The following DSCAM variants were observed in gnomAD, a reference collection of about 807,000 sequenced individuals.
DSCAM encodes the protein cell adhesion molecule DSCAM.
A neutral mutation model predicts 217.7 loss-of-function variants in DSCAM; 47 were observed. The observed-to-expected ratio is 0.22, with a 90% CI of 0.17 to 0.28. DSCAM has a LOEUF of 0.28. Ranked by LOEUF, DSCAM falls within the 10% of genes least tolerant of loss-of-function variation. The probability of loss-of-function intolerance (pLI) is 1.00; values close to 1 mark genes in which losing one functional copy is unlikely to be tolerated. For synonymous variants in DSCAM, 1,056 were observed against 1,015.3 expected (o/e 1.04, Z -0.76); for missense variants, 2,080 against 2,618.3 (o/e 0.79, Z 4.49).
At chr21:40,200,267 C>G (rs1013415485) in intron 11 of DSCAM, among the ~76,000 whole-genome samples, 1 of 152,142 alleles carries the variant, frequency 6.6e-6, no homozygotes, top group African/African-American at 2.4e-5. Flanking sequence ...TCTTCCCAAC[C>G]TGAAACTTGG....
chr21:40,588,983 T>C (rs139342071), intron 3 of DSCAM, among the ~76,000 whole-genome samples: 1 of 152,228 alleles, frequency 6.6e-6, no homozygotes, highest in Non-Finnish European at 1.5e-5. Context: ...GAACTCAAAC[T>C]GTATGTGTAT....
At chr21:40,840,279 T>G (rs140816062) in intron 1 of DSCAM, among the ~76,000 whole-genome samples, 1 of 152,304 alleles carries the variant, frequency 6.6e-6, no homozygotes, top group Admixed American at 6.5e-5. Flanking sequence ...AACAGTAGTA[T>G]GACTTTTTAA....
intron 19 of DSCAM, among the ~76,000 whole-genome samples, chr21:40,126,302 A>C (rs1223759476): frequency 1.3e-5 from 2 of 152,022 alleles, no homozygotes; most frequent in African/African-American, 4.8e-5. Context: ...GGAAGGAAGA[A>C]GGGAAGACAA....
intron 11 of DSCAM, among the ~76,000 whole-genome samples, chr21:40,231,935 C>T (rs929934742): frequency 2.6e-5 from 4 of 152,192 alleles, no homozygotes; most frequent in Non-Finnish European, 5.9e-5. Flanking sequence ...TATATTTGAG[C>T]AGCACAATGA....
intron 10 of DSCAM, among the ~76,000 whole-genome samples, chr21:40,277,214 A>G (rs2073698845): frequency 6.6e-6 from 1 of 152,116 alleles, no homozygotes; most frequent in Non-Finnish European, 1.5e-5. Context: ...GAGGAAGCTC[A>G]ACGTTTGGGC....
At chr21:40,798,488 C>A (rs1177728324) in intron 1 of DSCAM, among the ~76,000 whole-genome samples, 1 of 151,928 alleles carries the variant, frequency 6.6e-6, no homozygotes, top group Admixed American at 6.6e-5. Context: ...TAAAAGCTTG[C>A]AAACCTATTT....
intron 16 of DSCAM, among the ~76,000 whole-genome samples, chr21:40,149,956 T>C (rs1234588954): frequency 6.6e-6 from 1 of 152,042 alleles, no homozygotes; most frequent in Non-Finnish European, 1.5e-5. Flanking sequence ...CCATCCATCA[T>C]TCCATTACTA....
chr21:40,071,972 C>A (rs1260613879), intron 27 of DSCAM, among the ~76,000 whole-genome samples: 2 of 152,184 alleles, frequency 1.3e-5, no homozygotes, highest in Non-Finnish European at 2.9e-5. Context: ...AATGCCTGAC[C>A]TTTCATCGAT....
At chr21:40,438,578 A>C (rs139235140) in intron 3 of DSCAM, among the ~76,000 whole-genome samples, 1 of 152,352 alleles carries the variant, frequency 6.6e-6, no homozygotes, top group East Asian at 1.9e-4. Flanking sequence ...AGGTCTCATC[A>C]ACATTTAGTT....
chr21:40,485,244 T>G (rs1048470223), intron 3 of DSCAM, among the ~76,000 whole-genome samples: 4 of 146,768 alleles, frequency 2.7e-5, no homozygotes, highest in Admixed American at 2.7e-4. Flanking sequence ...TTTCTTTTTT[T>G]TTTTTTTTTT....
At chr21:40,779,857 G>C (rs2091524452) in intron 1 of DSCAM, among the ~76,000 whole-genome samples, 1 of 152,170 alleles carries the variant, frequency 6.6e-6, no homozygotes, top group Non-Finnish European at 1.5e-5. Context: ...GGCTGGGTGG[G>C]GTAAGGAAGG....
In DSCAM at chr21:40,142,543, G is replaced by GTTTA. The variant is rs2090304639; in HGVS notation, c.3406+11_3406+14dup. Reference sequence around the variant, plus strand: ...CTCTGGAGGCAAACCCAAAGTCCTAGTTTAGTCCTCTTACCTCCGTCCATG... The same window carrying GTTTA: ...CTCTGGAGGCAAACCCAAAGTCCTAGTTTATTTAGTCCTCTTACCTCCGTCCATG... On this transcript the variant is annotated intron_variant, in intron 18 of 32. Coordinates refer to ENST00000400454, the MANE Select transcript of DSCAM (RefSeq NM_001389.5). 6.2e-7 allele frequency: 1 copy of GTTTA among 1,613,704 alleles called. No individual in the cohort carries two copies. The highest frequency in any genetic ancestry group is 1.1e-5 in the South Asian group (1 of 91,036).
At chr21:40,828,229 C>T (rs2091985306) in intron 1 of DSCAM, among the ~76,000 whole-genome samples, 1 of 152,024 alleles carries the variant, frequency 6.6e-6, no homozygotes. Flanking sequence ...ATAGTGAGAC[C>T]CTGTTTCTAT....
At chr21:40,295,099 T>C (rs1300988691) in intron 10 of DSCAM, among the ~76,000 whole-genome samples, 1 of 151,860 alleles carries the variant, frequency 6.6e-6, no homozygotes, top group African/African-American at 2.4e-5. Flanking sequence ...AAAAGAAAGA[T>C]CTAGAGTATA....
At chr21:40,103,440 G>C (rs1055353897) in intron 20 of DSCAM, among the ~76,000 whole-genome samples, 2 of 152,000 alleles carry the variant, frequency 1.3e-5, no homozygotes, top group African/African-American at 4.8e-5. Context: ...GAAATGGCCT[G>C]GATTCCATTA....
chr21:40,162,878 A>G (rs974520672), intron 16 of DSCAM, among the ~76,000 whole-genome samples: 1 of 152,192 alleles, frequency 6.6e-6, no homozygotes, highest in Non-Finnish European at 1.5e-5. Context: ...TGACCATTTC[A>G]TATTTTGGGG....
At chr21:40,398,189 T>C (rs544996420) in intron 3 of DSCAM, among the ~76,000 whole-genome samples, 1 of 152,294 alleles carries the variant, frequency 6.6e-6, no homozygotes, top group South Asian at 2.1e-4. Context: ...TATACACTCT[T>C]AGGGGACATG....
intron 2 of DSCAM, among the ~76,000 whole-genome samples, chr21:40,705,830 G>A (rs183610226): frequency 6.6e-6 from 1 of 152,256 alleles, no homozygotes; most frequent in African/African-American, 2.4e-5. Flanking sequence ...CAGATAAAAG[G>A]GTAAATGTGG....
intron 3 of DSCAM, among the ~76,000 whole-genome samples, chr21:40,541,963 T>C (rs1300529913): frequency 6.6e-6 from 1 of 152,200 alleles, no homozygotes. Context: ...TCAAAAAGAA[T>C]GTCACTTGCA....
Sources: gnomAD v4.1 joint callset for allele counts (sites outside exome capture counted in the v4.1 genomes callset) on GRCh38, gnomAD v4.1.1 for gene constraint, MANE v1.5 for transcripts, NCBI Gene and HGNC (gene_info 2026-07-23, HGNC 2026-07-21) for gene names.